Variants in NWD1 observed in about 807,000 individuals in gnomAD.
NWD1 encodes the protein NACHT and WD repeat domain containing 1.
A neutral mutation model predicts 135.1 loss-of-function variants in NWD1; 129 were observed. That is an observed-to-expected ratio of 0.96 (90% CI 0.83 to 1.11). NWD1 has a LOEUF of 1.11. Among genes scored for constraint, NWD1 ranks in the 50% least tolerant of loss-of-function variants. The pLI is 0.00. For missense variants in NWD1, 1,740 were observed against 1,851.3 expected (o/e 0.94, Z 1.10); for synonymous variants, 773 against 786.0 (o/e 0.98, Z 0.28).
At chr19:16,790,458 A>C (rs1167980119) in intron 13 of NWD1, among the ~76,000 whole-genome samples, 1 of 151,824 alleles carries the variant, frequency 6.6e-6, no homozygotes, top group African/African-American at 2.4e-5. Flanking sequence ...AAACACTTGA[A>C]ATTCGGGGGG....
chr19:16,755,949 A>G (rs1374380790), intron 6 of NWD1, among the ~76,000 whole-genome samples: 1 of 152,130 alleles, frequency 6.6e-6, no homozygotes, highest in East Asian at 1.9e-4. Flanking sequence ...CTCCCCTAAA[A>G]CTTAAATACT....
chr19:16,738,331 G>A, intron 4 of NWD1: 2 of 356,742 alleles, frequency 5.6e-6, no homozygotes, highest in Non-Finnish European at 1.2e-5. Flanking sequence ...CATTTTGGGA[G>A]GCTGAGGCAG....
At chr19:16,726,787 T>A (rs948395302) in intron 2 of NWD1, among the ~76,000 whole-genome samples, 1 of 152,174 alleles carries the variant, frequency 6.6e-6, no homozygotes, top group Non-Finnish European at 1.5e-5. Flanking sequence ...TGGGAACAGA[T>A]CATTCTTTGT....
At chr19:16,721,630 A>C (rs1967139025) in intron 1 of NWD1, 1 of 150,082 alleles carries the variant, frequency 6.7e-6, no homozygotes, top group African/African-American at 2.5e-5. Context: ...GAGTTGTGGG[A>C]AGGTGGCTGG....
rs1400987280 is a variant in NWD1 at position 16,808,045 on chromosome 19, A to G, written c.4196A>G (p.Lys1399Arg). The change falls in exon 18 of 19, where the codon AAG becomes AGG. Residue 1399 changes from lysine (K) to arginine (R), a missense_variant. Lys to Arg is a conservative substitution (Grantham distance 26). Coordinates refer to ENST00000524140, the MANE Select transcript of NWD1 (RefSeq NM_001007525.5). ...SRVACVEVSH[K>R]EQLVVSGSED... ...GTTGCCTGTGTGGAGGTCAGCCACA[A>G]GGAGCAGCTGGTGGTCAGCGGGTCT... is the stretch of plus-strand genomic sequence containing the variant. The G allele has an allele frequency of 6.2e-7, 1 of 1,614,168 alleles. No homozygotes were observed. Among genetic ancestry groups the G allele is most frequent in the African/African-American group, 1.3e-5 (1 of 75,050 alleles).
At chr19:16,798,938 T>C (rs1260287326) in intron 16 of NWD1, among the ~76,000 whole-genome samples, 1 of 134,496 alleles carries the variant, frequency 7.4e-6, no homozygotes, top group East Asian at 2.0e-4. Flanking sequence ...AATAAAATAA[T>C]TAAAAAAAAA....
intron 16 of NWD1, among the ~76,000 whole-genome samples, chr19:16,798,196 C>T (rs1156296661): frequency 6.6e-6 from 1 of 152,112 alleles, no homozygotes; most frequent in Non-Finnish European, 1.5e-5. Flanking sequence ...CAAAGTTGTC[C>T]AAGCTGGAGA....
chr19:16,763,473 A>G (rs1358025490), intron 8 of NWD1, among the ~76,000 whole-genome samples: 1 of 151,616 alleles, frequency 6.6e-6, no homozygotes, highest in Non-Finnish European at 1.5e-5. Context: ...GCTCTTTCAC[A>G]CCTCCAGACC....
intron 18 of NWD1, 47 bp from the exon 19 acceptor site, chr19:16,814,981 T>G: frequency 6.3e-7 from 1 of 1,579,996 alleles, no homozygotes; most frequent in Non-Finnish European, 8.7e-7. Flanking sequence ...GGATTGGACC[T>G]CTACACCCCA....
intron 8 of NWD1, 92 bp downstream of exon 8, chr19:16,762,230 G>A: frequency 1.7e-6 from 2 of 1,168,214 alleles, no homozygotes; most frequent in South Asian, 1.4e-5. Context: ...CACTCGAAAT[G>A]TCCTCCCGAC....
chr19:16,802,799 G>A (rs1037778116), intron 17 of NWD1, among the ~76,000 whole-genome samples: 3 of 151,936 alleles, frequency 2.0e-5, no homozygotes, highest in Non-Finnish European at 4.4e-5. Context: ...TCAGGTGTTC[G>A]AGACTAGCCT....
At chr19:16,786,882 A>T (rs1307429117) in intron 12 of NWD1, among the ~76,000 whole-genome samples, 2 of 152,086 alleles carry the variant, frequency 1.3e-5, no homozygotes, top group Admixed American at 1.3e-4. Context: ...CAGTAATCCC[A>T]TTCCCCAGAG....
chr19:16,723,777 C>A (rs1967224092), intron 1 of NWD1, among the ~76,000 whole-genome samples: 1 of 152,044 alleles, frequency 6.6e-6, no homozygotes, highest in Non-Finnish European at 1.5e-5. Flanking sequence ...CTCACTGCAA[C>A]CTCTACCTCC....
At chr19:16,808,714 C>T (rs1341307084) in intron 18 of NWD1, among the ~76,000 whole-genome samples, 2 of 151,906 alleles carry the variant, frequency 1.3e-5, no homozygotes, top group African/African-American at 4.8e-5. Flanking sequence ...CTCCAGTGAT[C>T]CTCCCGCCTC....
chr19:16,790,650 T>TAA (rs1568383326), intron 13 of NWD1, among the ~76,000 whole-genome samples: 3 of 118,882 alleles, frequency 2.5e-5, no homozygotes, highest in African/African-American at 1.4e-4. Context: ...AATAAATAAA[T>TAA]AAATAAATAA....
At chr19:16,804,928 G>T (rs575896025) in intron 17 of NWD1, among the ~76,000 whole-genome samples, 1 of 151,502 alleles carries the variant, frequency 6.6e-6, no homozygotes, top group Non-Finnish European at 1.5e-5. Flanking sequence ...GGGCTCAAGC[G>T]ATCTTCCTGC....
intron 18 of NWD1, among the ~76,000 whole-genome samples, chr19:16,811,744 C>T (rs1438702106): frequency 6.6e-6 from 1 of 152,158 alleles, no homozygotes; most frequent in Non-Finnish European, 1.5e-5. Context: ...TGCTGCTCAT[C>T]TCTCCAGGTT....
intron 11 of NWD1, among the ~76,000 whole-genome samples, chr19:16,775,339 T>C (rs1969562412): frequency 6.6e-6 from 1 of 151,978 alleles, no homozygotes; most frequent in South Asian, 2.1e-4. Flanking sequence ...TTAAATAAGA[T>C]AGGAGTTTAA....
intron 4 of NWD1, among the ~76,000 whole-genome samples, chr19:16,742,765 G>T (rs771031141): frequency 4.0e-5 from 6 of 151,642 alleles, no homozygotes; most frequent in Non-Finnish European, 5.9e-5. Flanking sequence ...CCGCCTCCAG[G>T]GTTCAAGCGA....
Sources: gnomAD v4.1 joint callset for allele counts (sites outside exome capture counted in the v4.1 genomes callset) on GRCh38, gnomAD v4.1.1 for gene constraint, MANE v1.5 for transcripts, NCBI Gene and HGNC (gene_info 2026-07-23, HGNC 2026-07-21) for gene names.